The following NLGN1 variants were observed in gnomAD, a reference collection of about 807,000 sequenced individuals.
NLGN1 encodes neuroligin 1.
Under a neutral mutation model 65.5 loss-of-function variants are expected in NLGN1, and 12 were observed. That is an observed-to-expected ratio of 0.18 (90% CI 0.12 to 0.30). NLGN1 has a LOEUF of 0.30. Among genes scored for constraint, NLGN1 ranks in the 10% least tolerant of loss-of-function variants. The probability of loss-of-function intolerance (pLI) is 1.00; values close to 1 mark genes in which losing one functional copy is unlikely to be tolerated. For synonymous variants in NLGN1, 350 were observed against 359.5 expected (o/e 0.97, Z 0.30); for missense variants, 750 against 1,007.1 (o/e 0.74, Z 3.46).
rs74503364 is a variant in NLGN1, at chr3:173,619,894, G to T, written c.493+14803G>T. Among the ~76,000 whole-genome samples the T allele has an allele frequency of 9.6e-4, 146 of 152,320 alleles. 2 individuals carry two copies. The East Asian group carries it at 0.02, about 21-fold the overall frequency. ...CATGGTAATGATACTTGAAATGACT[G>T]CAGAACAAGAGGAAGTGGCCCATCC... is the stretch of plus-strand genomic sequence containing the variant. On this transcript the variant is annotated intron_variant, in intron 3 of 6. Coordinates refer to ENST00000457714, the Ensembl canonical transcript of NLGN1.
At chr3:173,951,191 T>G (rs1263428748) in intron 4 of NLGN1, among the ~76,000 whole-genome samples, 1 of 151,950 alleles carries the variant, frequency 6.6e-6, no homozygotes, top group African/African-American at 2.4e-5. Context: ...CAAATAGAGT[T>G]TTAGCACAAC....
intron 3 of NLGN1, among the ~76,000 whole-genome samples, chr3:173,801,026 A>G (rs1320779521): frequency 6.6e-6 from 1 of 151,926 alleles, no homozygotes; most frequent in Non-Finnish European, 1.5e-5. Context: ...GTCTGTAGCT[A>G]TTTTCTTAGA....
intron 1 of NLGN1, among the ~76,000 whole-genome samples, chr3:173,399,352 A>C (rs769285223): frequency 1.3e-5 from 2 of 152,230 alleles, no homozygotes; most frequent in Non-Finnish European, 2.9e-5. Flanking sequence ...GTGTGGAGTA[A>C]GAAAAGCTTC....
chr3:173,756,260 A>G (rs1407243885), intron 3 of NLGN1, among the ~76,000 whole-genome samples: 3 of 152,086 alleles, frequency 2.0e-5, no homozygotes, highest in African/African-American at 7.2e-5. Context: ...AAATCAAAGT[A>G]TAAATTTTTA....
intron 4 of NLGN1, among the ~76,000 whole-genome samples, chr3:174,255,435 CAAAA>C (rs71162383): frequency 1.9e-4 from 13 of 70,232 alleles, no homozygotes; most frequent in East Asian, 1.3e-3. Context: ...GACTCTGTCT[CAAAA>C]AAAAAAAAAA....
chr3:173,837,994 G>A (rs1723992187), intron 4 of NLGN1, among the ~76,000 whole-genome samples: 1 of 152,100 alleles, frequency 6.6e-6, no homozygotes, highest in African/African-American at 2.4e-5. Context: ...ACTTAAAGCT[G>A]AAAAATATTT....
At chr3:173,483,637 T>G (rs1182438016) in intron 2 of NLGN1, among the ~76,000 whole-genome samples, 1 of 152,084 alleles carries the variant, frequency 6.6e-6, no homozygotes, top group Non-Finnish European at 1.5e-5. Flanking sequence ...TATTTAAAAT[T>G]TATTTTTTTA....
intron 4 of NLGN1, among the ~76,000 whole-genome samples, chr3:173,875,516 A>G (rs1054942647): frequency 1.3e-4 from 20 of 152,220 alleles, no homozygotes; most frequent in Admixed American, 6.5e-5. Context: ...TGCTAATGTA[A>G]GGCAATAATA....
intron 4 of NLGN1, among the ~76,000 whole-genome samples, chr3:174,214,714 A>G (rs922727311): frequency 6.6e-6 from 1 of 152,180 alleles, no homozygotes; most frequent in African/African-American, 2.4e-5. Flanking sequence ...GTGGCTTTTA[A>G]AATAGCTAAT....
intron 3 of NLGN1, among the ~76,000 whole-genome samples, chr3:173,717,237 A>C (rs1770012992): frequency 1.3e-5 from 2 of 152,170 alleles, no homozygotes; most frequent in African/African-American, 2.4e-5. Flanking sequence ...TCTGTTCTAA[A>C]ATGGTTGTGT....
exon 7 of NLGN1, chr3:174,284,155 G>T (rs1020708395): frequency 6.6e-6 from 1 of 151,190 alleles, no homozygotes; most frequent in Non-Finnish European, 1.5e-5. Context: ...TCTAAATTAG[G>T]GTAGAATAAC....
At chr3:174,135,305 A>G (rs1385909050) in intron 4 of NLGN1, among the ~76,000 whole-genome samples, 2 of 152,212 alleles carry the variant, frequency 1.3e-5, no homozygotes, top group Non-Finnish European at 2.9e-5. Context: ...TGAAATTGTA[A>G]GTAGTTAGCT....
chr3:173,708,559 C>T (rs940239012), intron 3 of NLGN1, among the ~76,000 whole-genome samples: 1 of 152,126 alleles, frequency 6.6e-6, no homozygotes, highest in Non-Finnish European at 1.5e-5. Context: ...GGACTCAGGA[C>T]CATTAGGGCA....
At chr3:173,992,233 A>G (rs527821544) in intron 4 of NLGN1, among the ~76,000 whole-genome samples, 3 of 152,314 alleles carry the variant, frequency 2.0e-5, no homozygotes, top group Admixed American at 6.5e-5. Flanking sequence ...AAGTATACAT[A>G]TATTTTTATG....
At chr3:173,600,823 G>A (rs897440363) in intron 2 of NLGN1, among the ~76,000 whole-genome samples, 1 of 151,544 alleles carries the variant, frequency 6.6e-6, no homozygotes, top group African/African-American at 2.4e-5. Context: ...CAGTGCAATA[G>A]CTTGCACATT....
intron 4 of NLGN1, among the ~76,000 whole-genome samples, chr3:174,154,881 G>A (rs1441096265): frequency 8.6e-6 from 1 of 116,670 alleles, no homozygotes; most frequent in African/African-American, 3.7e-5. Context: ...ATAGTAGATA[G>A]ATATAAAGAT....
Position 173,820,179 on chromosome 3 carries a change from G to GA in NLGN1, c.646+12371dup, listed in dbSNP as rs63081662. ...GGGAGAGAGAGCGAGATTCAGTCTC[G>GA]AAAAAAAAAAAAAAAAAAAAAAAAC... On this transcript the variant is annotated intron_variant, in intron 4 of 6. Coordinates refer to ENST00000457714, the Ensembl canonical transcript of NLGN1. 8.5e-3 allele frequency among the ~76,000 whole-genome samples: 1,153 copies of GA among 135,906 alleles called. 41 individuals carry two copies. In the East Asian group the frequency reaches 0.11, roughly 13 times the overall value. 89.2% of individuals were successfully genotyped at this position (135,906 alleles called of 152,430 possible). A position where few individuals can be genotyped will look rare whatever the true frequency, so the allele number is the denominator to read the frequency against.
chr3:173,742,253 G>A (rs1244451533), intron 3 of NLGN1, among the ~76,000 whole-genome samples: 1 of 152,062 alleles, frequency 6.6e-6, no homozygotes, highest in Non-Finnish European at 1.5e-5. Flanking sequence ...AGGACACTGG[G>A]GAAGAAGAGA....
intron 4 of NLGN1, among the ~76,000 whole-genome samples, chr3:173,838,112 T>C (rs1462757395): frequency 1.3e-5 from 2 of 152,034 alleles, no homozygotes; most frequent in Admixed American, 1.3e-4. Flanking sequence ...GATTCCCAGC[T>C]CAAGGTTTGT....
Sources: allele counts gnomAD v4.1 joint callset (sites outside exome capture counted in the v4.1 genomes callset), GRCh38; gene constraint gnomAD v4.1.1; transcripts MANE v1.5; gene names NCBI Gene and HGNC (gene_info 2026-07-23, HGNC 2026-07-21).